ENTREP2: variants seen among roughly 807,000 people sequenced by gnomAD.
The protein encoded by ENTREP2 is endosomal transmembrane epsin interactor 2.
At chr15:29,487,280 A>C in the ENTREP2 span, among the ~76,000 whole-genome samples, 2 of 152,140 alleles carry the variant, frequency 1.3e-5, no homozygotes, top group Admixed American at 6.5e-5. Flanking sequence ...TGCTCAGAAG[A>C]AGCCTGAGAA....
At chr15:29,323,394 A>C in the ENTREP2 span, among the ~76,000 whole-genome samples, 4 of 152,210 alleles carry the variant, frequency 2.6e-5, no homozygotes, top group African/African-American at 9.6e-5. Flanking sequence ...GAACACACGG[A>C]GGTTCCTGGA....
At chr15:29,143,011 A>G in the ENTREP2 span, among the ~76,000 whole-genome samples, 1 of 152,328 alleles carries the variant, frequency 6.6e-6, no homozygotes, top group South Asian at 2.1e-4. Context: ...ATCAGTTCTG[A>G]CAATAGGCAG....
At chr15:29,302,331 T>G in the ENTREP2 span, among the ~76,000 whole-genome samples, 1 of 152,212 alleles carries the variant, frequency 6.6e-6, no homozygotes, top group African/African-American at 2.4e-5. Context: ...TCTTGGTATT[T>G]GATACAAAAA....
chr15:29,445,114 A>C, the ENTREP2 span, among the ~76,000 whole-genome samples: 1 of 152,158 alleles, frequency 6.6e-6, no homozygotes, highest in Non-Finnish European at 1.5e-5. Flanking sequence ...CCTAACACCC[A>C]ATGTGATTGT....
the ENTREP2 span, among the ~76,000 whole-genome samples, chr15:29,316,948 C>T: frequency 2.0e-5 from 3 of 152,136 alleles, no homozygotes; most frequent in Middle Eastern, 3.2e-3. Context: ...TTACATATTA[C>T]AAAGCCTGTC....
chr15:29,126,360 C>T, the ENTREP2 span: 4 of 1,541,966 alleles, frequency 2.6e-6, no homozygotes, highest in Admixed American at 2.0e-5. Context: ...CCAGGATCCT[C>T]TGGAGACACA....
At chr15:29,504,173 G>A in the ENTREP2 span, among the ~76,000 whole-genome samples, 3 of 152,136 alleles carry the variant, frequency 2.0e-5, no homozygotes. Flanking sequence ...CTAGAGACAG[G>A]CTCTACCAAC....
the ENTREP2 span, among the ~76,000 whole-genome samples, chr15:29,172,096 G>T: frequency 6.6e-6 from 1 of 152,082 alleles, no homozygotes; most frequent in Non-Finnish European, 1.5e-5. Context: ...CACCTCTTTT[G>T]CTTAGGAATT....
chr15:29,541,112 T>C, the ENTREP2 span, among the ~76,000 whole-genome samples: 1 of 152,218 alleles, frequency 6.6e-6, no homozygotes, highest in Non-Finnish European at 1.5e-5. Context: ...TCACCGGGTC[T>C]GCACTGACCA....
At chr15:29,630,502 T>A in the ENTREP2 span, among the ~76,000 whole-genome samples, 1 of 152,196 alleles carries the variant, frequency 6.6e-6, no homozygotes, top group African/African-American at 2.4e-5. Context: ...GCTTTTTGAA[T>A]CTAAGTTTAT....
the ENTREP2 span, chr15:29,136,896 T>A: frequency 1.5e-5 from 12 of 779,116 alleles, no homozygotes; most frequent in Middle Eastern, 3.8e-4. Context: ...GGGAACGCTG[T>A]ATGTCTAAGA....
At chr15:29,441,268 A>G in the ENTREP2 span, among the ~76,000 whole-genome samples, 19 of 152,206 alleles carry the variant, frequency 1.2e-4, no homozygotes, top group Non-Finnish European at 1.6e-4. Context: ...TCAAATTCTT[A>G]GAGACAGGAA....
At chr15:29,612,418 C>T in the ENTREP2 span, among the ~76,000 whole-genome samples, 2 of 151,984 alleles carry the variant, frequency 1.3e-5, no homozygotes, top group Non-Finnish European at 1.5e-5. Flanking sequence ...CCAGCGTGGC[C>T]CCTCTTAGAA....
the ENTREP2 span, among the ~76,000 whole-genome samples, chr15:29,229,842 A>G: frequency 6.6e-6 from 1 of 152,174 alleles, no homozygotes; most frequent in South Asian, 2.1e-4. Flanking sequence ...TTCAGTTGCT[A>G]TCTATAAACT....
the ENTREP2 span, among the ~76,000 whole-genome samples, chr15:29,149,197 G>A: frequency 2.6e-5 from 4 of 152,124 alleles, no homozygotes; most frequent in African/African-American, 4.8e-5. Context: ...AGCATTTATC[G>A]CAACCGCCAT....
At chr15:29,238,398 C>T in the ENTREP2 span, among the ~76,000 whole-genome samples, 5 of 151,892 alleles carry the variant, frequency 3.3e-5, no homozygotes, top group Non-Finnish European at 5.9e-5. Context: ...TTTGGGAGGC[C>T]GAGGTGGGCA....
chr15:29,357,513 C>G, the ENTREP2 span, among the ~76,000 whole-genome samples: 1 of 151,998 alleles, frequency 6.6e-6, no homozygotes, highest in African/African-American at 2.4e-5. Context: ...CACAAACTCA[C>G]ATATTACAGA....
At chr15:29,158,333 C>A in the ENTREP2 span, among the ~76,000 whole-genome samples, 1 of 151,926 alleles carries the variant, frequency 6.6e-6, no homozygotes, top group South Asian at 2.1e-4. Context: ...TCTAAGTAAC[C>A]GCAAACCACC....
At chr15:29,183,258 AC>A in the ENTREP2 span, among the ~76,000 whole-genome samples, 1 of 152,184 alleles carries the variant, frequency 6.6e-6, no homozygotes, top group Non-Finnish European at 1.5e-5. Flanking sequence ...AAGAGAAAAA[AC>A]CAGGGAGTTA....
Sources: gnomAD v4.1 joint callset for allele counts (sites outside exome capture counted in the v4.1 genomes callset) on GRCh38, gnomAD v4.1.1 for gene constraint, MANE v1.5 for transcripts, NCBI Gene and HGNC (gene_info 2026-07-23, HGNC 2026-07-21) for gene names.